The following OSBPL6 variants were observed in gnomAD, a reference collection of about 807,000 sequenced individuals.
OSBPL6 encodes oxysterol binding protein like 6.
A neutral mutation model predicts 125.8 loss-of-function variants in OSBPL6; 49 were observed. That is an observed-to-expected ratio of 0.39 (90% CI 0.31 to 0.49). OSBPL6 has a LOEUF of 0.49. Among genes scored for constraint, OSBPL6 ranks in the 20% least tolerant of loss-of-function variants. The pLI is 0.88. For missense variants in OSBPL6, 986 were observed against 1,135.4 expected (o/e 0.87, Z 1.89); for synonymous variants, 394 against 391.8 (o/e 1.01, Z -0.07).
chr2:178,324,678 C>A (rs1451516511), intron 4 of OSBPL6, among the ~76,000 whole-genome samples: 1 of 152,200 alleles, frequency 6.6e-6, no homozygotes, highest in East Asian at 1.9e-4. Context: ...GTATTTAAAT[C>A]TATTATCCCA....
chr2:178,320,402 G>C (rs570095583), intron 3 of OSBPL6: 91 of 1,612,696 alleles, frequency 5.6e-5, no homozygotes, highest in Non-Finnish European at 7.5e-5. Context: ...ACAGAGGGCG[G>C]GTAAGTACTT....
chr2:178,267,698 G>A (rs1574687916), intron 1 of OSBPL6, among the ~76,000 whole-genome samples: 4 of 152,134 alleles, frequency 2.6e-5, no homozygotes, highest in South Asian at 4.2e-4. Context: ...TGCCTGCTGT[G>A]TATAAGATAC....
rs113539322 is a variant in OSBPL6 at position 178,400,475 on chromosome 2, G to A, written c.*4916G>A. 6.6e-6 allele frequency: 1 copy of A among 151,820 alleles called. No individual in the cohort carries two copies. Among genetic ancestry groups the A allele is most frequent in the East Asian group, 1.9e-4 (1 of 5,176 alleles). The allele number at this position is 151,820 out of a possible 1,614,324, so 9.4% of individuals were successfully genotyped here. On this transcript the variant is annotated 3_prime_UTR_variant, in exon 25 of 25. Transcript: ENST00000190611. ...TAATTTTTGTATTTTAGTTAGAGAC[G>A]GGGGTTTTGCCATGTTGGCCAGGCT...
chr2:178,385,752 G>A (rs961608741), intron 19 of OSBPL6, among the ~76,000 whole-genome samples: 67 of 152,360 alleles, frequency 4.4e-4, no homozygotes, highest in Non-Finnish European at 7.6e-4. Flanking sequence ...TGGAATAGCA[G>A]AGCTCCATGC....
intron 1 of OSBPL6, among the ~76,000 whole-genome samples, chr2:178,264,587 G>A (rs1234749343): frequency 6.6e-6 from 1 of 152,174 alleles, no homozygotes; most frequent in African/African-American, 2.4e-5. Flanking sequence ...GGTCTTCAAC[G>A]TGATAATTGG....
At chr2:178,365,581 CAGG>C (rs1692753285) in intron 13 of OSBPL6, among the ~76,000 whole-genome samples, 1 of 152,168 alleles carries the variant, frequency 6.6e-6, no homozygotes, top group Non-Finnish European at 1.5e-5. Flanking sequence ...GAGGCTGAGG[CAGG>C]AGAATTGCTT....
At chr2:178,377,933 A>G (rs1203973354) in intron 15 of OSBPL6, among the ~76,000 whole-genome samples, 2 of 152,164 alleles carry the variant, frequency 1.3e-5, no homozygotes, top group Admixed American at 1.3e-4. Context: ...GGTTCAAGCA[A>G]GTCTCCTGCC....
rs1034681756 is a variant in OSBPL6, at chr2:178,271,388, G to C, written c.-350-13539G>C. On this transcript the variant is annotated intron_variant, in intron 1 of 24. Coordinates refer to ENST00000190611, the MANE Select transcript of OSBPL6 (RefSeq NM_032523.4). ...ATACAGCAAGAGGCCTAAGAAATGG[G>C]GCAGCTTGAAATAATTCCCTCAAAG... Among the ~76,000 whole-genome samples, 11 of 152,096 alleles carry C rather than the reference G, an allele frequency of 7.2e-5. No homozygotes were observed. In the South Asian group the frequency reaches 1.7e-3, roughly 23 times the overall value.
At chr2:178,237,094 C>T (rs907084904) in intron 1 of OSBPL6, among the ~76,000 whole-genome samples, 4 of 152,132 alleles carry the variant, frequency 2.6e-5, no homozygotes, top group Non-Finnish European at 5.9e-5. Context: ...TAACTTTTTG[C>T]GTAAGATATT....
At chr2:178,330,774 T>A (rs1689127948) in intron 5 of OSBPL6, among the ~76,000 whole-genome samples, 1 of 152,178 alleles carries the variant, frequency 6.6e-6, no homozygotes. Context: ...ACAGGACCCA[T>A]TCTTTGACCG....
intron 1 of OSBPL6, among the ~76,000 whole-genome samples, chr2:178,245,104 C>T (rs931835444): frequency 7.9e-5 from 12 of 152,126 alleles, no homozygotes; most frequent in Admixed American, 1.3e-4. Flanking sequence ...AGAACTCAAG[C>T]GTGTCTTTCG....
intron 1 of OSBPL6, among the ~76,000 whole-genome samples, chr2:178,247,933 C>T (rs2091551823): frequency 6.6e-6 from 1 of 152,146 alleles, no homozygotes. Flanking sequence ...GTGGTATTCT[C>T]TGTCCCTAAG....
At chr2:178,326,228 C>A (rs1423253765) in intron 4 of OSBPL6, among the ~76,000 whole-genome samples, 1 of 151,930 alleles carries the variant, frequency 6.6e-6, no homozygotes, top group Non-Finnish European at 1.5e-5. Context: ...CACTCACCCA[C>A]ATACATCTGC....
At chr2:178,327,028 G>A (rs1688753289) in intron 4 of OSBPL6, among the ~76,000 whole-genome samples, 1 of 150,882 alleles carries the variant, frequency 6.6e-6, no homozygotes. Flanking sequence ...GGGGGGTGGC[G>A]AGGGATAAAA....
At chr2:178,333,105 A>G (rs1689371535) in intron 8 of OSBPL6, 64 bp downstream of exon 8, 1 of 1,575,986 alleles carries the variant, frequency 6.3e-7, no homozygotes, top group Middle Eastern at 1.7e-4. Flanking sequence ...AATTTTGGCC[A>G]GGCACTGTGG....
chr2:178,344,297 C>T (rs767079150), intron 11 of OSBPL6: 79 of 1,613,980 alleles, frequency 4.9e-5, no homozygotes, highest in East Asian at 1.1e-4. Context: ...AAGGGCCACC[C>T]GCGAAGGGCC....
At chr2:178,385,085 G>C (rs548088960) in intron 18 of OSBPL6, among the ~76,000 whole-genome samples, 7 of 152,086 alleles carry the variant, frequency 4.6e-5, no homozygotes, top group African/African-American at 7.2e-5. Flanking sequence ...GGGCCTGTTG[G>C]GGGGTGGCGA....
At chr2:178,274,999 A>G (rs1483114300) in intron 1 of OSBPL6, among the ~76,000 whole-genome samples, 1 of 152,160 alleles carries the variant, frequency 6.6e-6, no homozygotes, top group Non-Finnish European at 1.5e-5. Flanking sequence ...TCTTTTCCCC[A>G]AGCAATAGAG....
Position 178,395,682 on chromosome 2 carries a change from A to T in OSBPL6, c.*123A>T. On this transcript the variant is annotated 3_prime_UTR_variant, in exon 25 of 25. Coordinates refer to ENST00000190611, the MANE Select transcript of OSBPL6 (RefSeq NM_032523.4). ...CTGAAAACCTACCATTTGCTTTTCT[A>T]TTCATCTTTATAATGGACTTTCAGA... The T allele has an allele frequency of 1.6e-6, 1 of 641,900 alleles. No individual in the cohort carries two copies. Among genetic ancestry groups the T allele is most frequent in the Non-Finnish European group, 2.6e-6 (1 of 383,966 alleles). The allele number at this position is 641,900 out of a possible 1,614,324, so 39.8% of individuals were successfully genotyped here.
Sources: allele counts gnomAD v4.1 joint callset (sites outside exome capture counted in the v4.1 genomes callset), GRCh38; gene constraint gnomAD v4.1.1; transcripts MANE v1.5; gene names NCBI Gene and HGNC (gene_info 2026-07-23, HGNC 2026-07-21).